Variants in NUAK2 observed in about 807,000 individuals in gnomAD.
NUAK2 encodes the protein NUAK family SNF1-like kinase 2.
In NUAK2, 20 loss-of-function variants were observed where a neutral mutation model predicts 29.8. The ratio of observed to expected loss-of-function variants is 0.67; its 90% CI spans 0.47 to 0.98. The LOEUF is 0.98. NUAK2 is among the 50% of genes least tolerant of loss of function. The pLI is 0.00. For synonymous variants in NUAK2, 331 were observed against 342.6 expected (o/e 0.97, Z 0.37); for missense variants, 719 against 834.5 (o/e 0.86, Z 1.71).
chr1:205,321,344 TG>T, intron 1 of NUAK2, 53 bp downstream of exon 1: 1 of 1,494,066 alleles, frequency 6.7e-7, no homozygotes, highest in Non-Finnish European at 9.0e-7. Context: ...CTCCGCTCCC[TG>T]CCGGCGGCCA....
chr1:205,302,166 G>A lies in NUAK2; in HGVS notation c.*1284C>T, dbSNP rs983449944. On this transcript the variant is annotated 3_prime_UTR_variant, in exon 7 of 7. Transcript: ENST00000367157. ...TCAAGAGTGTGGAGTGGAGTGTGGG[G>A]GGTTGTGGGAGGAGGTGGAAATAGT... 1 of 152,416 alleles carries A rather than the reference G, an allele frequency of 6.6e-6. No individual in the cohort carries two copies. Among genetic ancestry groups the A allele is most frequent in the Non-Finnish European group, 1.5e-5 (1 of 67,988 alleles). The allele number at this position is 152,416 out of a possible 1,614,324, so 9.4% of individuals were successfully genotyped here.
In NUAK2 at chr1:205,307,102, T is replaced by C. The variant is rs143312434; in HGVS notation, c.571-795A>G. Among the ~76,000 whole-genome samples, 394 of 152,278 alleles carry C rather than the reference T, an allele frequency of 2.6e-3. 2 individuals are homozygous for C. Among genetic ancestry groups the C allele is most frequent in the Non-Finnish European group, 5.1e-3 (344 of 67,998 alleles). On this transcript the variant is annotated intron_variant, in intron 4 of 6. Transcript: ENST00000367157. ...TTGAGAACCCAACCCCATCGTCTCG[T>C]TGCCCGGAGAGACCCTTTCCCACCT...
At chr1:205,310,109 T>G (rs1327854611) in intron 2 of NUAK2, among the ~76,000 whole-genome samples, 1 of 151,978 alleles carries the variant, frequency 6.6e-6, no homozygotes, top group Non-Finnish European at 1.5e-5. Flanking sequence ...TGAGAAGGAG[T>G]GAAGTGAAGA....
chr1:205,315,418 T>C (rs1046438293), intron 1 of NUAK2, among the ~76,000 whole-genome samples: 2 of 152,224 alleles, frequency 1.3e-5, no homozygotes, highest in African/African-American at 4.8e-5. Context: ...GTTAAGTCAC[T>C]GGGCTGATGA....
intron 5 of NUAK2, 72 bp from the exon 6 acceptor site, chr1:205,305,403 G>C: frequency 6.4e-7 from 1 of 1,557,294 alleles, no homozygotes; most frequent in African/African-American, 1.4e-5. Flanking sequence ...GGAGAACTCA[G>C]AGGCCAGCAC....
intron 1 of NUAK2, among the ~76,000 whole-genome samples, chr1:205,317,799 C>CGAAGGAGA (rs1461085516): frequency 4.6e-5 from 7 of 152,150 alleles, no homozygotes; most frequent in African/African-American, 1.7e-4. Context: ...GAGCTGGGGC[C>CGAAGGAGA]GAAGGAGAGA....
At position 205,311,351 on chromosome 1, in the gene NUAK2, G is replaced by T. The variant is rs1040407305; in HGVS notation, c.352+354C>A. The stretch of plus-strand genomic sequence containing the variant: ...GCTAAGGAGCTCACTGGGTTGGGAA[G>T]GTAGTGTTCAAGTAGGGAAAACCGA... On this transcript the variant is annotated intron_variant, in intron 2 of 6. Transcript: ENST00000367157. Among the ~76,000 whole-genome samples the T allele has an allele frequency of 2.6e-5, 4 of 152,202 alleles. No individual in the cohort carries two copies. In the East Asian group the frequency reaches 5.8e-4, roughly 22 times the overall value.
At chr1:205,318,307 A>G (rs11801560) in intron 1 of NUAK2, among the ~76,000 whole-genome samples, 30,548 of 152,130 alleles carry the variant, frequency 0.2, 3,198 homozygotes, top group African/African-American at 0.26. Context: ...GCTGGGAAAG[A>G]CAGCGGGAGC....
intron 1 of NUAK2, among the ~76,000 whole-genome samples, chr1:205,314,475 G>C (rs1445526434): frequency 6.6e-6 from 1 of 152,224 alleles, no homozygotes; most frequent in East Asian, 1.9e-4. Flanking sequence ...ACTGGGCAGG[G>C]GGCCAGGGGT....
intron 1 of NUAK2, among the ~76,000 whole-genome samples, chr1:205,317,612 T>G (rs1662347498): frequency 6.6e-6 from 1 of 152,192 alleles, no homozygotes; most frequent in Admixed American, 6.5e-5. Context: ...TCTACCGGGT[T>G]GCTGGGCAAG....
In NUAK2 at chr1:205,304,785, CCT is replaced by C. The variant is rs1261163544; in HGVS notation, c.824-274_824-273del. Among the ~76,000 whole-genome samples, 3 of 152,064 alleles carry C rather than the reference CCT, an allele frequency of 2.0e-5. No homozygotes were observed. Among genetic ancestry groups the C allele is most frequent in the Non-Finnish European group, 4.4e-5 (3 of 68,014 alleles). ...CCCTTGTGTGTATGTTGGTGTCTAT[CCT>C]CTCTCTCTCCATTGAAATTCAACCC... On this transcript the variant is annotated intron_variant, in intron 6 of 6. Coordinates refer to ENST00000367157, the MANE Select transcript of NUAK2 (RefSeq NM_030952.3). The surrounding 1 kb of genome is among the most constrained non-coding windows in gnomAD (Gnocchi z 6.5).
chr1:205,311,631 AT>A, intron 2 of NUAK2, 73 bp downstream of exon 2: 1 of 1,573,744 alleles, frequency 6.4e-7, no homozygotes, highest in Non-Finnish European at 8.7e-7. Flanking sequence ...CTTCTGACAC[AT>A]GTACATACGC....
At chr1:205,319,924 T>TACACACATACACACACACAC (rs1553381479) in intron 1 of NUAK2, among the ~76,000 whole-genome samples, 1 of 78,466 alleles carries the variant, frequency 1.3e-5, no homozygotes, top group African/African-American at 6.3e-5. Flanking sequence ...GGGCAAACCA[T>TACACACATACACACACACAC]ACACACACAC....
Position 205,321,495 on chromosome 1 carries a change from T to C in NUAK2, c.134A>G (p.His45Arg), listed in dbSNP as rs1473373982. The change falls in exon 1 of 7, where the codon CAC becomes CGC. Residue 45 changes from histidine (H) to arginine (R), a missense_variant. By Grantham distance (29) the His-to-Arg change is conservative. Coordinates refer to ENST00000367157, the MANE Select transcript of NUAK2 (RefSeq NM_030952.3). ...MKKQAVKRHH[H>R]KHNLRHRYEF... is the part of the protein sequence containing the mutation. ...GTAGCGGTGCCGCAGGTTGTGCTTGTGGTGGTGCCGCTTCACCGCCTGCTT... is the reference window on the plus strand; with the variant it reads ...GTAGCGGTGCCGCAGGTTGTGCTTGCGGTGGTGCCGCTTCACCGCCTGCTT... 6.2e-7 allele frequency: 1 copy of C among 1,613,894 alleles called. No individual in the cohort carries two copies. The highest frequency in any genetic ancestry group is 1.3e-5 in the African/African-American group (1 of 74,998).
Position 205,318,466 on chromosome 1 carries a change from G to A in NUAK2, c.231+2932C>T, listed in dbSNP as rs577207330. Among the ~76,000 whole-genome samples, 9 of 152,278 alleles carry A rather than the reference G, an allele frequency of 5.9e-5. No individual in the cohort carries two copies. In the East Asian group the frequency reaches 1.7e-3, roughly 29 times the overall value. ...ACAGGATAAGTCACTTCCCCTCTTC[G>A]GGCCTCAGCTACTCTATCTGTCAAT... On this transcript the variant is annotated intron_variant, in intron 1 of 6. Transcript: ENST00000367157.
chr1:205,316,251 G>A (rs547354633), intron 1 of NUAK2, among the ~76,000 whole-genome samples: 25 of 152,280 alleles, frequency 1.6e-4, no homozygotes, highest in African/African-American at 5.5e-4. Flanking sequence ...TCTGAAAAAC[G>A]AAAGGATATT....
At chr1:205,310,679 C>G (rs1169054190) in intron 2 of NUAK2, among the ~76,000 whole-genome samples, 1 of 152,144 alleles carries the variant, frequency 6.6e-6, no homozygotes, top group Non-Finnish European at 1.5e-5. Context: ...TATACACACA[C>G]ACACATATAT....
rs112725479 is a variant in NUAK2 at position 205,314,960 on chromosome 1, C to T, written c.232-3135G>A. ...AGGAGTCTCTGCATGGGGGCGAGTG[C>T]ACAAGTTGAACCCCAAGATCCATCT... On this transcript the variant is annotated intron_variant, in intron 1 of 6. Coordinates refer to ENST00000367157, the MANE Select transcript of NUAK2 (RefSeq NM_030952.3). Among the ~76,000 whole-genome samples the T allele has an allele frequency of 4.1e-3, 621 of 152,192 alleles. 5 individuals are homozygous for T. The highest frequency in any genetic ancestry group is 0.014 in the African/African-American group (582 of 41,508).
chr1:205,306,391 C>T, intron 4 of NUAK2, 84 bp from the exon 5 acceptor site: 3 of 1,510,056 alleles, frequency 2.0e-6, no homozygotes, highest in Non-Finnish European at 2.7e-6. Flanking sequence ...TCTCCAGACC[C>T]TGGGGAAACC....
Sources: gnomAD v4.1 joint callset for allele counts (sites outside exome capture counted in the v4.1 genomes callset) on GRCh38, gnomAD v4.1.1 for gene constraint, Gnocchi (gnomAD v3.1) non-coding constraint, MANE v1.5 for transcripts, NCBI Gene and HGNC (gene_info 2026-07-23, HGNC 2026-07-21) for gene names.